PRKD3: variants seen among roughly 807,000 people sequenced by gnomAD.
PRKD3 encodes serine/threonine-protein kinase D3.
A neutral mutation model predicts 99.2 loss-of-function variants in PRKD3; 47 were observed. That is an observed-to-expected ratio of 0.47 (90% CI 0.38 to 0.60). The LOEUF (loss-of-function observed/expected upper bound fraction) is 0.60. Ranked by LOEUF, PRKD3 falls within the 20% of genes least tolerant of loss-of-function variation. The probability of loss-of-function intolerance (pLI) is 0.00; values close to 1 mark genes in which losing one functional copy is unlikely to be tolerated. For synonymous variants in PRKD3, 392 were observed against 355.4 expected (o/e 1.10, Z -1.16); for missense variants, 1,019 against 1,088.4 (o/e 0.94, Z 0.90).
chr2:37,262,575 G>A (rs1668547229), intron 14 of PRKD3, among the ~76,000 whole-genome samples: 1 of 152,162 alleles, frequency 6.6e-6, no homozygotes, highest in African/African-American at 2.4e-5. Flanking sequence ...GGTGGGGTGT[G>A]ACAATGGCAA....
intron 2 of PRKD3, among the ~76,000 whole-genome samples, chr2:37,304,004 A>G (rs1478195617): frequency 6.6e-6 from 1 of 152,168 alleles, no homozygotes; most frequent in East Asian, 1.9e-4. Flanking sequence ...AAAAATCAGC[A>G]TCACAAGTTT....
At chr2:37,269,775 A>G in intron 12 of PRKD3, 88 bp from the exon 13 acceptor site, 1 of 904,030 alleles carries the variant, frequency 1.1e-6, no homozygotes, top group African/African-American at 1.7e-5. Context: ...ATACTTCAAT[A>G]CATTTTTATG....
chr2:37,258,369 T>G (rs1233413083), intron 16 of PRKD3, among the ~76,000 whole-genome samples: 2 of 152,228 alleles, frequency 1.3e-5, no homozygotes, highest in Non-Finnish European at 2.9e-5. Flanking sequence ...TCTTTTTTTG[T>G]TGTTAAATGC....
chr2:37,265,817 TAATG>T (rs1402909762), intron 14 of PRKD3, among the ~76,000 whole-genome samples: 1 of 152,180 alleles, frequency 6.6e-6, no homozygotes, highest in Non-Finnish European at 1.5e-5. Context: ...AATGATATAA[TAATG>T]AAGTTTTTCA....
intron 15 of PRKD3, 25 bp downstream of exon 15, chr2:37,260,198 T>TA (rs199676568): frequency 8.0e-3 from 9,073 of 1,130,860 alleles, no homozygotes; most frequent in Non-Finnish European, 8.7e-3. Context: ...ATCGCTAGTT[T>TA]AAAAAAAAAA....
intron 6 of PRKD3, among the ~76,000 whole-genome samples, chr2:37,285,405 G>A (rs947544032): frequency 2.6e-5 from 4 of 152,276 alleles, no homozygotes; most frequent in East Asian, 3.9e-4. Flanking sequence ...TGCTGGGTTA[G>A]TATCCAAATA....
chr2:37,324,152 G>A (rs1207226029), intron 1 of PRKD3: 1 of 984,580 alleles, frequency 1.0e-6, no homozygotes, highest in Non-Finnish European at 1.2e-6. Context: ...ACGCAGTCGG[G>A]ATACTGGGGC....
Position 37,256,905 on chromosome 2 carries a change from C to T in PRKD3, c.2170G>A (p.Ala724Thr). The change falls in exon 17 of 19, where the codon GCA becomes ACA. Residue 724 changes from alanine (A) to threonine (T), a missense_variant. Physicochemically the swap from Ala to Thr is moderately conservative, Grantham distance 58. Coordinates refer to ENST00000234179, the MANE Select transcript of PRKD3 (RefSeq NM_005813.6). ...AATGACTTTTCACCAATGATGCGTG[C>T]AAATCCAAAGTCACACAGCTTCACC... ...PQVKLCDFGF[A>T]RIIGEKSFRR... The T allele has an allele frequency of 1.2e-6, 2 of 1,613,976 alleles. No individual in the cohort carries two copies. Among genetic ancestry groups the T allele is most frequent in the Non-Finnish European group, 1.7e-6 (2 of 1,179,956 alleles).
intron 2 of PRKD3, among the ~76,000 whole-genome samples, chr2:37,312,116 A>C (rs377572284): frequency 1.3e-4 from 20 of 152,318 alleles, no homozygotes; most frequent in African/African-American, 4.8e-4. Context: ...TATAATTTTT[A>C]AAAAAGCTAA....
intron 5 of PRKD3, among the ~76,000 whole-genome samples, chr2:37,288,980 G>A (rs1366792700): frequency 6.6e-6 from 1 of 151,916 alleles, no homozygotes; most frequent in Non-Finnish European, 1.5e-5. Context: ...CTTGAACCCA[G>A]GAGGCGGAGG....
intron 6 of PRKD3, among the ~76,000 whole-genome samples, chr2:37,283,875 TG>T (rs1669969346): frequency 7.8e-6 from 1 of 127,842 alleles, no homozygotes. Flanking sequence ...CACTCCAGCC[TG>T]GGCGACAGAG....
chr2:37,321,485 C>T lies in PRKD3; in HGVS notation c.-656+3196G>A, dbSNP rs570817457. 6.6e-5 allele frequency among the ~76,000 whole-genome samples: 10 copies of T among 152,282 alleles called. 1 individual carries two copies. The South Asian group carries it at 2.1e-3, about 32-fold the overall frequency. On this transcript the variant is annotated intron_variant, in intron 1 of 18. Coordinates refer to ENST00000234179, the MANE Select transcript of PRKD3 (RefSeq NM_005813.6). Reference sequence around the variant, plus strand: ...TTCCTCTCCCTCTCCTTCCCCTTCCCCCATGCACACATTATCTCATTTTTA... The same window carrying T: ...TTCCTCTCCCTCTCCTTCCCCTTCCTCCATGCACACATTATCTCATTTTTA...
chr2:37,298,287 T>A (rs2124861617), intron 2 of PRKD3, among the ~76,000 whole-genome samples: 1 of 152,304 alleles, frequency 6.6e-6, no homozygotes, highest in African/African-American at 2.4e-5. Flanking sequence ...ATATTTTACA[T>A]ACCAAATACA....
In PRKD3 at chr2:37,256,868, A is replaced by G; in HGVS notation, c.2207T>C (p.Val736Ala). ...GGCTAAGTATGCTGGAGTTCCTACC[A>G]CAGATCTCCTGAATGACTTTTCACC... ...IIGEKSFRRSVVGTPAYLAPE... is the reference protein window; with the variant it reads ...IIGEKSFRRSAVGTPAYLAPE... Residue 736 changes from valine (V) to alanine (A), a missense_variant, in exon 17 of 19, where the codon GTG becomes GCG. Around this residue, in one of 3 missense-constraint regions of PRKD3, gnomAD observed 184 missense variants for 275.1 expected, o/e 0.67. Coordinates refer to ENST00000234179, the MANE Select transcript of PRKD3 (RefSeq NM_005813.6). The G allele has an allele frequency of 6.2e-7, 1 of 1,613,970 alleles. No individual in the cohort carries two copies.
In PRKD3 at chr2:37,253,175, G is replaced by A. The variant is rs771919649; in HGVS notation, c.*2C>T. ...CCTTCCTTATTTAGGTTAGCTCAGTGATTAAGGATCTTCTTCCATATCATC... is the reference window on the plus strand; with the variant it reads ...CCTTCCTTATTTAGGTTAGCTCAGTAATTAAGGATCTTCTTCCATATCATC... On this transcript the variant is annotated 3_prime_UTR_variant, in exon 19 of 19. Transcript: ENST00000234179. 1.1e-5 allele frequency: 18 copies of A among 1,590,816 alleles called. No homozygotes were observed. In the African/African-American group the frequency reaches 2.3e-4, roughly 21 times the overall value.
chr2:37,316,409 C>A lies in PRKD3; in HGVS notation c.116G>T (p.Arg39Leu). Residue 39 changes from arginine to leucine, a missense_variant, in exon 2 of 19, where the codon CGA becomes CTA. By Grantham distance (102) the Arg-to-Leu change is moderately radical. Transcript: ENST00000234179. ...CSSPKTGLSA[R>L]LSNGSFSAPS... ...TGCACTGAAGCTTCCATTAGAGAGT[C>A]GGGCAGAGAGTCCCGTCTTAGGACT... is the stretch of plus-strand genomic sequence containing the variant. 1.2e-6 allele frequency: 2 copies of A among 1,614,112 alleles called. No homozygotes were observed. The highest frequency in any genetic ancestry group is 1.7e-6 in the Non-Finnish European group (2 of 1,180,020).
chr2:37,290,773 A>G, intron 4 of PRKD3, 95 bp downstream of exon 4: 1 of 1,335,048 alleles, frequency 7.5e-7, no homozygotes, highest in Admixed American at 2.1e-5. Flanking sequence ...TTACCACCCT[A>G]GTCAACAGCT....
chr2:37,277,577 A>G (rs1291605253), intron 9 of PRKD3, among the ~76,000 whole-genome samples: 1 of 152,126 alleles, frequency 6.6e-6, no homozygotes, highest in Admixed American at 6.5e-5. Flanking sequence ...TTCTATCTCT[A>G]TTTGTGGCTC....
In PRKD3 at chr2:37,318,006, C is replaced by T. The variant is rs531180981; in HGVS notation, c.-655-827G>A. ...AAAAAAAAGGTATGACCCAACCCCT[C>T]CACATGGCTTAGGCGTGAAACAGCT... On this transcript the variant is annotated intron_variant, in intron 1 of 18. Coordinates refer to ENST00000234179, the MANE Select transcript of PRKD3 (RefSeq NM_005813.6). The T allele has an allele frequency of 3.3e-5, 5 of 152,124 alleles. No homozygotes were observed. The East Asian group carries it at 9.6e-4, about 29-fold the overall frequency. The allele number at this position is 152,124 out of a possible 1,614,324, so 9.4% of individuals were successfully genotyped here. A position where few individuals can be genotyped will look rare whatever the true frequency, so the allele number is the denominator to read the frequency against.
Sources: gnomAD v4.1 joint callset for allele counts (sites outside exome capture counted in the v4.1 genomes callset) on GRCh38, gnomAD v4.1.1 for gene constraint, gnomAD v4.1.1 regional missense constraint, MANE v1.5 for transcripts, NCBI Gene and HGNC (gene_info 2026-07-23, HGNC 2026-07-21) for gene names.